LRMDA: variants seen among roughly 807,000 people sequenced by gnomAD.
The protein encoded by LRMDA is leucine rich melanocyte differentiation associated.
In LRMDA, 18 loss-of-function variants were observed where a neutral mutation model predicts 29.8. The observed-to-expected ratio is 0.60, with a 90% CI of 0.42 to 0.90. LRMDA has a LOEUF of 0.90. Ranked by LOEUF, LRMDA falls within the 40% of genes least tolerant of loss-of-function variation. LRMDA has a pLI of 0.00. For synonymous variants in LRMDA, 125 were observed against 109.4 expected, an observed-to-expected ratio of 1.14 and a Z score of -0.89; for missense variants, 273 against 273.9, an observed-to-expected ratio of 1.00 and a Z score of 0.02.
At chr10:75,900,321 G>A (rs1845649495) in intron 2 of LRMDA, among the ~76,000 whole-genome samples, 1 of 152,226 alleles carries the variant, frequency 6.6e-6, no homozygotes, top group African/African-American at 2.4e-5. Context: ...AGTTGGAGCT[G>A]ACTTGATGGG....
chr10:75,691,134 ATAGATC>A lies in LRMDA; in HGVS notation c.131+252643_131+252648del, dbSNP rs1416838526. Among the ~76,000 whole-genome samples the A allele has an allele frequency of 2.8e-5, 3 of 107,712 alleles. 1 individual carries two copies. Among genetic ancestry groups the A allele is most frequent in the African/African-American group, 1.6e-4 (3 of 18,756 alleles). The allele number at this position is 107,712 out of a possible 152,430, so 70.7% of individuals were successfully genotyped here. On this transcript the variant is annotated intron_variant, in intron 2 of 6. Coordinates refer to ENST00000611255, the MANE Select transcript of LRMDA (RefSeq NM_001305581.2). Reference sequence around the variant, plus strand: ...TCTATATATCTATATACATAGATATATAGATCTATATATCTATATACATAGATATAT... The same window carrying A: ...TCTATATATCTATATACATAGATATATATATATCTATATACATAGATATAT...
At position 76,136,612 on chromosome 10, in the gene LRMDA, A is replaced by AT. The variant is rs564243568; in HGVS notation, c.516+77831dup. ...TACATACAAGTGAACTTTTAAACAT[A>AT]TTAAAAAAAAAGCAAAAATGACTAT... On this transcript the variant is annotated intron_variant, in intron 5 of 6. Transcript: ENST00000611255. 0.031 allele frequency among the ~76,000 whole-genome samples: 122 copies of AT among 3,966 alleles called. No homozygotes were observed. The East Asian group carries it at 0.31, about 10-fold the overall frequency. 2.6% of individuals were successfully genotyped at this position (3,966 alleles called of 152,430 possible). A position where few individuals can be genotyped will look rare whatever the true frequency, so the allele number is the denominator to read the frequency against.
At chr10:76,257,998 G>A (rs1416612093) in intron 5 of LRMDA, among the ~76,000 whole-genome samples, 1 of 152,164 alleles carries the variant, frequency 6.6e-6, no homozygotes, top group East Asian at 1.9e-4. Context: ...CCATGCTCAA[G>A]TACCTTTTAG....
At chr10:76,229,554 TAGTC>T (rs1263368775) in intron 5 of LRMDA, among the ~76,000 whole-genome samples, 1 of 152,146 alleles carries the variant, frequency 6.6e-6, no homozygotes, top group Non-Finnish European at 1.5e-5. Context: ...GAACTTCCCT[TAGTC>T]AGATGAGGGA....
intron 5 of LRMDA, among the ~76,000 whole-genome samples, chr10:76,287,528 T>A (rs1427379916): frequency 1.3e-5 from 2 of 152,122 alleles, no homozygotes; most frequent in Non-Finnish European, 2.9e-5. Flanking sequence ...TGGTATCTTC[T>A]GTAGTGGTAG....
At chr10:75,828,330 A>G (rs1844281175) in intron 2 of LRMDA, among the ~76,000 whole-genome samples, 1 of 152,186 alleles carries the variant, frequency 6.6e-6, no homozygotes, top group African/African-American at 2.4e-5. Context: ...ACCAGGTCCA[A>G]TTTTATAATT....
In LRMDA at chr10:76,221,304, T is replaced by C. The variant is rs543032219; in HGVS notation, c.517-103097T>C. Among the ~76,000 whole-genome samples the C allele has an allele frequency of 2.6e-5, 4 of 152,350 alleles. No homozygotes were observed. In the East Asian group the frequency reaches 7.7e-4, roughly 29 times the overall value. On this transcript the variant is annotated intron_variant, in intron 5 of 6. Transcript: ENST00000611255. ...AGGCAGGAGAAGGAAATAAAGGGTA[T>C]TCAATTAGGAAAAGAGGAAGTCAAA...
chr10:76,296,101 C>G (rs537869520), intron 5 of LRMDA, among the ~76,000 whole-genome samples: 1 of 152,318 alleles, frequency 6.6e-6, no homozygotes, highest in African/African-American at 2.4e-5. Context: ...ACAGAACCAA[C>G]TGGCTGAAAA....
At chr10:75,713,688 T>TA (rs1842464776) in intron 2 of LRMDA, among the ~76,000 whole-genome samples, 1 of 152,248 alleles carries the variant, frequency 6.6e-6, no homozygotes, top group African/African-American at 2.4e-5. Flanking sequence ...TAGAATCTTA[T>TA]AAAGTTTGAG....
chr10:76,356,794 T>A lies in LRMDA; in HGVS notation c.601+32309T>A, dbSNP rs187961407. Among the ~76,000 whole-genome samples the A allele has an allele frequency of 9.4e-4, 143 of 152,268 alleles. 3 individuals carry two copies. The highest frequency in any genetic ancestry group is 3.4e-3 in the African/African-American group (141 of 41,560). On this transcript the variant is annotated intron_variant, in intron 6 of 6. Transcript: ENST00000611255. ...TTAAATGAAAATGACAACTTGAAAA[T>A]TCTTTGCAGAAATAATTCTTCTATG...
chr10:76,457,899 A>G (rs1263960790), intron 6 of LRMDA, among the ~76,000 whole-genome samples: 2 of 152,078 alleles, frequency 1.3e-5, no homozygotes, highest in Non-Finnish European at 2.9e-5. Flanking sequence ...ATCAACTGTA[A>G]TCATTTACTA....
intron 2 of LRMDA, among the ~76,000 whole-genome samples, chr10:75,463,150 A>G (rs1844607678): frequency 6.6e-6 from 1 of 152,052 alleles, no homozygotes; most frequent in Non-Finnish European, 1.5e-5. Flanking sequence ...GAGAGCTTGG[A>G]ATTTTAGAGT....
At position 75,708,349 on chromosome 10, in the gene LRMDA, C is replaced by G. The variant is rs543191826; in HGVS notation, c.131+269855C>G. On this transcript the variant is annotated intron_variant, in intron 2 of 6. Transcript: ENST00000611255. ...TAAACAATCTTTCATTATTTTGATGCCTTTTTCATATTTGTTCTTTACAGA... is the reference window on the plus strand; with the variant it reads ...TAAACAATCTTTCATTATTTTGATGGCTTTTTCATATTTGTTCTTTACAGA... Among the ~76,000 whole-genome samples, 5 of 152,256 alleles carry G rather than the reference C, an allele frequency of 3.3e-5. No homozygotes were observed. The South Asian group carries it at 6.2e-4, about 19-fold the overall frequency.
At chr10:75,901,608 A>G (rs1419289109) in intron 2 of LRMDA, among the ~76,000 whole-genome samples, 2 of 152,200 alleles carry the variant, frequency 1.3e-5, no homozygotes, top group South Asian at 2.1e-4. Flanking sequence ...GAACCGAGAC[A>G]ATCAATGAGA....
At chr10:75,917,002 T>G (rs1845945905) in intron 2 of LRMDA, among the ~76,000 whole-genome samples, 1 of 152,206 alleles carries the variant, frequency 6.6e-6, no homozygotes, top group African/African-American at 2.4e-5. Flanking sequence ...GACCTTATGT[T>G]AAGTTGCTTC....
chr10:75,467,349 C>A (rs1046686160), intron 2 of LRMDA, among the ~76,000 whole-genome samples: 3 of 152,168 alleles, frequency 2.0e-5, no homozygotes, highest in African/African-American at 7.2e-5. Context: ...TTGACCAGCA[C>A]AATATTTGGC....
chr10:75,750,082 C>A (rs900528009), intron 2 of LRMDA, among the ~76,000 whole-genome samples: 2 of 152,238 alleles, frequency 1.3e-5, no homozygotes, highest in African/African-American at 4.8e-5. Flanking sequence ...CACTTTTCCC[C>A]CTTTTTCTAT....
intron 2 of LRMDA, among the ~76,000 whole-genome samples, chr10:75,552,977 G>C (rs548646564): frequency 6.6e-6 from 1 of 151,760 alleles, no homozygotes; most frequent in South Asian, 2.1e-4. Flanking sequence ...TTTTTCTCTA[G>C]ATTAAAAACT....
intron 2 of LRMDA, among the ~76,000 whole-genome samples, chr10:75,952,588 T>A (rs922352487): frequency 6.6e-6 from 1 of 152,176 alleles, no homozygotes; most frequent in African/African-American, 2.4e-5. Flanking sequence ...AGTAGAGGCC[T>A]CACTAAGGGT....
Sources: allele counts gnomAD v4.1 joint callset (sites outside exome capture counted in the v4.1 genomes callset), GRCh38; gene constraint gnomAD v4.1.1; transcripts MANE v1.5; gene names NCBI Gene and HGNC (gene_info 2026-07-23, HGNC 2026-07-21).